Variants in SNTB1 observed in about 807,000 individuals in gnomAD.
The protein encoded by SNTB1 is beta-1-syntrophin.
SNTB1 carries 36 observed loss-of-function variants against 48.9 expected under a neutral mutation model. The observed-to-expected ratio is 0.74, with a 90% CI of 0.56 to 0.97. The LOEUF (loss-of-function observed/expected upper bound fraction) is 0.97. Ranked by LOEUF, SNTB1 falls within the 50% of genes least tolerant of loss-of-function variation. SNTB1 has a pLI of 0.00. For missense variants in SNTB1, 786 were observed against 703.4 expected (o/e 1.12, Z -1.33); for synonymous variants, 299 against 294.6 (o/e 1.01, Z -0.15).
rs796736509 is a variant in SNTB1 at position 120,561,663 on chromosome 8, A to G, written c.1137-12705T>C. On this transcript the variant is annotated intron_variant, in intron 4 of 6. Coordinates refer to ENST00000517992, the MANE Select transcript of SNTB1 (RefSeq NM_021021.4). ...ATTGTGTGTGTAGAATACACAGTAT[A>G]AAAAGATCTTTAGAAATGTCTCCAT... is the stretch of plus-strand genomic sequence containing the variant. 2.1e-4 allele frequency among the ~76,000 whole-genome samples: 32 copies of G among 152,332 alleles called. 1 individual carries two copies. Among genetic ancestry groups the G allele is most frequent in the African/African-American group, 7.5e-4 (31 of 41,576 alleles).
intron 1 of SNTB1, among the ~76,000 whole-genome samples, chr8:120,744,409 A>G (rs569971345): frequency 6.9e-4 from 105 of 152,142 alleles, no homozygotes; most frequent in Non-Finnish European, 1.2e-3. Context: ...GAAAACAATC[A>G]TTTGTCTTAG....
intron 6 of SNTB1, 41 bp downstream of exon 6, chr8:120,541,769 T>A: frequency 7.0e-7 from 1 of 1,423,022 alleles, no homozygotes; most frequent in East Asian, 2.3e-5. Context: ...AATGAAATAT[T>A]AATATATGAA....
chr8:120,697,375 A>G (rs1818229791), intron 1 of SNTB1, among the ~76,000 whole-genome samples: 1 of 152,188 alleles, frequency 6.6e-6, no homozygotes, highest in Non-Finnish European at 1.5e-5. Context: ...TTAAAATTTC[A>G]CTCATTCGGT....
rs1044992826 is a variant in SNTB1 at position 120,590,073 on chromosome 8, G to A, written c.997-14848C>T. 3.3e-5 allele frequency among the ~76,000 whole-genome samples: 5 copies of A among 152,104 alleles called. No individual in the cohort carries two copies. The East Asian group carries it at 5.8e-4, about 18-fold the overall frequency. ...CCCATTAGCCTCAGTCAATATCCAA[G>A]TTCACATTCCTATGGACAGGCTCAT... On this transcript the variant is annotated intron_variant, in intron 3 of 6. Coordinates refer to ENST00000517992, the MANE Select transcript of SNTB1 (RefSeq NM_021021.4).
intron 2 of SNTB1, among the ~76,000 whole-genome samples, chr8:120,688,140 T>C (rs896321418): frequency 1.3e-5 from 2 of 152,234 alleles, no homozygotes; most frequent in African/African-American, 2.4e-5. Flanking sequence ...AGAAAGATGA[T>C]GTAAATCTTT....
At chr8:120,667,750 T>A (rs541343376) in intron 2 of SNTB1, among the ~76,000 whole-genome samples, 10 of 152,184 alleles carry the variant, frequency 6.6e-5, no homozygotes, top group Non-Finnish European at 1.3e-4. Flanking sequence ...ATCAGTGTTT[T>A]TTTTTCTGGG....
At chr8:120,586,270 A>G (rs1236621641) in intron 3 of SNTB1, among the ~76,000 whole-genome samples, 1 of 152,210 alleles carries the variant, frequency 6.6e-6, no homozygotes, top group Non-Finnish European at 1.5e-5. Flanking sequence ...AACTTTCCCT[A>G]TATTTAAAAG....
At chr8:120,688,920 G>T (rs1221328729) in intron 2 of SNTB1, among the ~76,000 whole-genome samples, 1 of 152,120 alleles carries the variant, frequency 6.6e-6, no homozygotes, top group Non-Finnish European at 1.5e-5. Context: ...GAGCAAACCA[G>T]CAACAAAACA....
In SNTB1 at chr8:120,653,956, C is replaced by T. The variant is rs576101085; in HGVS notation, c.789-21305G>A. The stretch of plus-strand genomic sequence containing the variant: ...CGGGGGGTCTGAGGCAGGAGAATGG[C>T]GTGAACCCGGAAAGCGGAGCTTGCA... On this transcript the variant is annotated intron_variant, in intron 2 of 6. Transcript: ENST00000517992. 3.8e-4 allele frequency among the ~76,000 whole-genome samples: 52 copies of T among 138,162 alleles called. 1 individual carries two copies. The South Asian group carries it at 0.012, about 32-fold the overall frequency. 90.6% of individuals were successfully genotyped at this position (138,162 alleles called of 152,430 possible).
In SNTB1 at chr8:120,651,515, A is replaced by G. The variant is rs764117088; in HGVS notation, c.789-18864T>C. Among the ~76,000 whole-genome samples, 4 of 152,336 alleles carry G rather than the reference A, an allele frequency of 2.6e-5. No homozygotes were observed. In the South Asian group the frequency reaches 8.3e-4, roughly 32 times the overall value. ...AGTCTCTTTGCTTTCTCATAGCCTG[A>G]GCTAATCAGTGACTCTGTGGTGAAA... On this transcript the variant is annotated intron_variant, in intron 2 of 6. Coordinates refer to ENST00000517992, the MANE Select transcript of SNTB1 (RefSeq NM_021021.4).
intron 2 of SNTB1, among the ~76,000 whole-genome samples, chr8:120,660,360 C>T (rs1817569725): frequency 6.6e-6 from 1 of 152,200 alleles, no homozygotes; most frequent in East Asian, 1.9e-4. Flanking sequence ...GCTCCTACAT[C>T]AGCACTTGTT....
At chr8:120,577,593 A>G (rs1815972144) in intron 3 of SNTB1, among the ~76,000 whole-genome samples, 1 of 152,232 alleles carries the variant, frequency 6.6e-6, no homozygotes, top group South Asian at 2.1e-4. Context: ...GAAGCTACAA[A>G]TGATCCTCCC....
chr8:120,563,831 C>T (rs79871353), intron 4 of SNTB1, among the ~76,000 whole-genome samples: 3 of 152,130 alleles, frequency 2.0e-5, no homozygotes, highest in East Asian at 1.9e-4. Context: ...TAAGGCTGGC[C>T]GGGCATGGTG....
intron 2 of SNTB1, among the ~76,000 whole-genome samples, chr8:120,645,216 T>C (rs1260384060): frequency 2.0e-5 from 3 of 152,198 alleles, no homozygotes; most frequent in African/African-American, 7.2e-5. Flanking sequence ...GCTTTTGGTA[T>C]TTTAGACATG....
intron 2 of SNTB1, among the ~76,000 whole-genome samples, chr8:120,645,594 G>C (rs1817278955): frequency 7.0e-6 from 1 of 143,252 alleles, no homozygotes; most frequent in Non-Finnish European, 1.5e-5. Flanking sequence ...AAGTCAGGTA[G>C]TGTGATGCCT....
chr8:120,767,695 A>G (rs1025213744), intron 1 of SNTB1, among the ~76,000 whole-genome samples: 9 of 152,130 alleles, frequency 5.9e-5, no homozygotes, highest in Admixed American at 1.3e-4. Flanking sequence ...CGTTCCTTAG[A>G]GGATTGTTCT....
At chr8:120,767,546 A>C (rs566155150) in intron 1 of SNTB1, among the ~76,000 whole-genome samples, 95 of 152,382 alleles carry the variant, frequency 6.2e-4, no homozygotes, top group Non-Finnish European at 1.0e-3. Context: ...ATCTAGTGGT[A>C]TAGCTGTTTA....
intron 1 of SNTB1, among the ~76,000 whole-genome samples, chr8:120,797,099 T>C (rs1353336604): frequency 6.6e-6 from 1 of 152,084 alleles, no homozygotes; most frequent in Non-Finnish European, 1.5e-5. Context: ...ATATACGATT[T>C]AATTCAGTGT....
chr8:120,623,618 T>C (rs921041802), intron 3 of SNTB1, among the ~76,000 whole-genome samples: 1 of 152,218 alleles, frequency 6.6e-6, no homozygotes, highest in Non-Finnish European at 1.5e-5. Context: ...ATGTGACTAA[T>C]AAACTGCTGC....
Sources: gnomAD v4.1 joint callset for allele counts (sites outside exome capture counted in the v4.1 genomes callset) on GRCh38, gnomAD v4.1.1 for gene constraint, MANE v1.5 for transcripts, NCBI Gene and HGNC (gene_info 2026-07-23, HGNC 2026-07-21) for gene names.